TRPS1: variants seen among roughly 807,000 people sequenced by gnomAD.
The protein encoded by TRPS1 is zinc finger transcription factor Trps1.
TRPS1 carries 6 observed loss-of-function variants against 101.2 expected under a neutral mutation model. The ratio of observed to expected loss-of-function variants is 0.06; its 90% CI spans 0.03 to 0.12. The LOEUF is 0.12. Ranked by LOEUF, TRPS1 falls within the 10% of genes least tolerant of loss-of-function variation. TRPS1 has a pLI of 1.00. For synonymous variants in TRPS1, 578 were observed against 589.8 expected, an observed-to-expected ratio of 0.98 and a Z score of 0.29; for missense variants, 1,363 against 1,567.0, an observed-to-expected ratio of 0.87 and a Z score of 2.20.
intron 4 of TRPS1, among the ~76,000 whole-genome samples, chr8:115,590,960 C>G (rs1487949420): frequency 6.7e-6 from 1 of 150,234 alleles, no homozygotes; most frequent in Non-Finnish European, 1.5e-5. Context: ...TTAACCATGA[C>G]CAAAAAAAAA....
chr8:115,530,423 C>A (rs1414740293), intron 5 of TRPS1, among the ~76,000 whole-genome samples: 2 of 151,994 alleles, frequency 1.3e-5, no homozygotes, highest in Non-Finnish European at 2.9e-5. Context: ...ATAGAAAGAG[C>A]ACTTAATCAG....
intron 5 of TRPS1, among the ~76,000 whole-genome samples, chr8:115,452,715 T>C (rs1813907238): frequency 6.6e-6 from 1 of 152,190 alleles, no homozygotes. Flanking sequence ...CCTGTAAAAT[T>C]AGGCAGTCAC....
At chr8:115,645,481 A>C (rs779489744) in intron 1 of TRPS1, among the ~76,000 whole-genome samples, 1 of 152,198 alleles carries the variant, frequency 6.6e-6, no homozygotes, top group Non-Finnish European at 1.5e-5. Context: ...ACAAAACATT[A>C]TCTCTAAAAT....
At chr8:115,526,101 G>C (rs896875536) in intron 5 of TRPS1, among the ~76,000 whole-genome samples, 16 of 152,038 alleles carry the variant, frequency 1.1e-4, no homozygotes, top group African/African-American at 3.9e-4. Flanking sequence ...GAACGTTCTG[G>C]GTCTCGAGAG....
chr8:115,595,950 T>C (rs1454372333), intron 4 of TRPS1, among the ~76,000 whole-genome samples: 1 of 151,994 alleles, frequency 6.6e-6, no homozygotes, highest in Non-Finnish European at 1.5e-5. Flanking sequence ...AATTGAACTA[T>C]CATGTTTATT....
chr8:115,440,733 A>G (rs1010201273), intron 5 of TRPS1, among the ~76,000 whole-genome samples: 6 of 152,210 alleles, frequency 3.9e-5, no homozygotes, highest in African/African-American at 1.2e-4. Flanking sequence ...TTTGCAGAGT[A>G]TATACAGTAA....
chr8:115,547,335 A>G (rs931652052), intron 5 of TRPS1, among the ~76,000 whole-genome samples: 1 of 151,278 alleles, frequency 6.6e-6, no homozygotes, highest in African/African-American at 2.4e-5. Flanking sequence ...TCCCTTCTAT[A>G]GCCCTCTCTC....
chr8:115,454,923 A>G (rs1813978858), intron 5 of TRPS1, among the ~76,000 whole-genome samples: 1 of 152,180 alleles, frequency 6.6e-6, no homozygotes, highest in Non-Finnish European at 1.5e-5. Flanking sequence ...GGTCTCTGTA[A>G]GCCTTAGGCT....
chr8:115,422,100 C>T (rs559961603), intron 5 of TRPS1, among the ~76,000 whole-genome samples: 3 of 152,076 alleles, frequency 2.0e-5, no homozygotes, highest in South Asian at 4.1e-4. Context: ...GTTTCCTAAT[C>T]GTCACTGAAC....
rs1201787277 is a variant in TRPS1 at position 115,498,407 on chromosome 8, CTCTCTCTCTATATATATATA to C, written c.2701-79975_2701-79956del. ...TCTCTCTCTCTCTCTCTCTCTCTCTCTCTCTCTCTATATATATATATATATATATATATATATATATATAG... is the reference window on the plus strand; with the variant it reads ...TCTCTCTCTCTCTCTCTCTCTCTCTCTATATATATATATATATATATATAG... On this transcript the variant is annotated intron_variant, in intron 5 of 6. Coordinates refer to ENST00000395715, the MANE Select transcript of TRPS1 (RefSeq NM_014112.5). 9.0e-3 allele frequency among the ~76,000 whole-genome samples: 767 copies of C among 84,994 alleles called. 11 individuals carry two copies. Among genetic ancestry groups the C allele is most frequent in the African/African-American group, 0.042 (734 of 17,476 alleles). 55.8% of individuals were successfully genotyped at this position (84,994 alleles called of 152,430 possible).
chr8:115,592,901 A>C (rs79617182), intron 4 of TRPS1, among the ~76,000 whole-genome samples: 1,979 of 152,296 alleles, frequency 0.013, 37 homozygotes, highest in African/African-American at 0.045. Context: ...TATGGTCATA[A>C]ATAGCTCATG....
chr8:115,502,688 C>A (rs75013387), intron 5 of TRPS1, among the ~76,000 whole-genome samples: 4 of 152,188 alleles, frequency 2.6e-5, no homozygotes, highest in African/African-American at 7.2e-5. Flanking sequence ...GAAGTGGTGG[C>A]GGTGAAACTG....
intron 5 of TRPS1, among the ~76,000 whole-genome samples, chr8:115,585,554 C>T (rs1040255289): frequency 6.6e-6 from 1 of 152,050 alleles, no homozygotes; most frequent in East Asian, 1.9e-4. Context: ...ATTTCATTCC[C>T]GCCTTATAAC....
At chr8:115,533,447 T>TTTTTTTTTTG (rs1816196260) in intron 5 of TRPS1, among the ~76,000 whole-genome samples, 2 of 131,444 alleles carry the variant, frequency 1.5e-5, no homozygotes, top group African/African-American at 6.2e-5. Context: ...TTTTTTTTTT[T>TTTTTTTTTTG]TTTTTTTTTT....
intron 5 of TRPS1, among the ~76,000 whole-genome samples, chr8:115,550,595 T>G (rs1433933239): frequency 2.0e-5 from 3 of 152,190 alleles, no homozygotes; most frequent in African/African-American, 7.2e-5. Flanking sequence ...AAACAGCTAC[T>G]TTGCAAAGTA....
intron 4 of TRPS1, among the ~76,000 whole-genome samples, chr8:115,592,248 C>T (rs1168224318): frequency 6.6e-6 from 1 of 152,200 alleles, no homozygotes; most frequent in African/African-American, 2.4e-5. Flanking sequence ...AAATGTTTAA[C>T]TTTAACAAAG....
chr8:115,516,994 TAA>T (rs952008666), intron 5 of TRPS1, among the ~76,000 whole-genome samples: 2 of 144,952 alleles, frequency 1.4e-5, no homozygotes, highest in African/African-American at 2.5e-5. Context: ...GGTTAGTGGT[TAA>T]AAAAAAAAAA....
At chr8:115,599,823 T>C (rs182959987) in intron 4 of TRPS1, among the ~76,000 whole-genome samples, 89 of 152,314 alleles carry the variant, frequency 5.8e-4, no homozygotes, top group African/African-American at 2.0e-3. Flanking sequence ...GTCTTTATAG[T>C]AGAATGATTT....
chr8:115,414,766 A>C lies in TRPS1; in HGVS notation c.3142T>G (p.Leu1048Val). The change falls in exon 7 of 7, where the codon TTG becomes GTG. Residue 1048 changes from leucine to valine, a missense_variant. Leu to Val is a conservative substitution (Grantham distance 32). Coordinates refer to ENST00000395715, the MANE Select transcript of TRPS1 (RefSeq NM_014112.5). This position sits in a 1 kb window ranked among gnomAD's most constrained non-coding sequence, Gnocchi z 4.8. ...TGAGGACTTTTTATCTGAATGTGCA[A>C]AGGTTGCATCCTTTTGTGAATATCC... Reference protein sequence around the residue: ...TLDIHKRMQPLHIQIKSPQES... With the variant: ...TLDIHKRMQPVHIQIKSPQES... The C allele has an allele frequency of 8.7e-6, 14 of 1,614,036 alleles. No individual in the cohort carries two copies. The highest frequency in any genetic ancestry group is 1.2e-5 in the Non-Finnish European group (14 of 1,179,942).
Sources: allele counts gnomAD v4.1 joint callset (sites outside exome capture counted in the v4.1 genomes callset), GRCh38; gene constraint gnomAD v4.1.1; non-coding constraint Gnocchi (gnomAD v3.1); transcripts MANE v1.5; gene names NCBI Gene and HGNC (gene_info 2026-07-23, HGNC 2026-07-21).